Variants in PHF21B observed in about 807,000 individuals in gnomAD.
PHF21B encodes the protein PHD finger protein 4.
A neutral mutation model predicts 62.2 loss-of-function variants in PHF21B; 22 were observed. The ratio of observed to expected loss-of-function variants is 0.35; its 90% CI spans 0.25 to 0.51. PHF21B has a LOEUF of 0.51. Among genes scored for constraint, PHF21B ranks in the 20% least tolerant of loss-of-function variants. The pLI is 0.97. For missense variants in PHF21B, 701 were observed against 707.9 expected (o/e 0.99, Z 0.11); for synonymous variants, 341 against 314.7 (o/e 1.08, Z -0.88).
intron 2 of PHF21B, among the ~76,000 whole-genome samples, chr22:44,964,808 C>G (rs370232282): frequency 1.3e-5 from 2 of 152,204 alleles, no homozygotes; most frequent in African/African-American, 2.4e-5. Flanking sequence ...CCTGACCTCC[C>G]GGAGACTCAC....
intron 5 of PHF21B, among the ~76,000 whole-genome samples, chr22:44,912,303 T>C (rs935704131): frequency 1.3e-5 from 2 of 152,242 alleles, no homozygotes; most frequent in African/African-American, 2.4e-5. Flanking sequence ...GAAGGCATGA[T>C]TGGTTTTGAA....
chr22:44,916,818 C>A (rs1463100345), intron 3 of PHF21B, among the ~76,000 whole-genome samples, 188 bp from the exon 4 acceptor site: 1 of 152,250 alleles, frequency 6.6e-6, no homozygotes, highest in Non-Finnish European at 1.5e-5. Context: ...TGGGCTTGCA[C>A]CGACTGGCCA....
intron 2 of PHF21B, among the ~76,000 whole-genome samples, chr22:45,004,371 A>C (rs2073275292): frequency 6.6e-6 from 1 of 151,632 alleles, no homozygotes; most frequent in South Asian, 2.1e-4. Flanking sequence ...AGGAAACTCC[A>C]GCTGTGTGTG....
chr22:44,991,486 G>A (rs2147505572), intron 2 of PHF21B, among the ~76,000 whole-genome samples: 1 of 152,264 alleles, frequency 6.6e-6, no homozygotes, highest in Middle Eastern at 3.4e-3. Flanking sequence ...CCCCAGGGAA[G>A]GAGGCAGAGG....
intron 2 of PHF21B, among the ~76,000 whole-genome samples, chr22:44,973,097 C>T (rs2072670329): frequency 1.3e-5 from 2 of 152,200 alleles, no homozygotes. Context: ...ACTCCCCACC[C>T]CCAGTCATCA....
chr22:44,929,910 G>A (rs866730513), intron 2 of PHF21B, among the ~76,000 whole-genome samples: 1 of 152,168 alleles, frequency 6.6e-6, no homozygotes, highest in Non-Finnish European at 1.5e-5. Context: ...GTGAGGCAGC[G>A]AGCCCAGGCC....
intron 2 of PHF21B, among the ~76,000 whole-genome samples, chr22:44,928,362 TTCTGCC>T (rs2071673987): frequency 6.6e-6 from 1 of 152,180 alleles, no homozygotes; most frequent in African/African-American, 2.4e-5. Context: ...TGTGGGTCTC[TTCTGCC>T]TCTTTCCATT....
intron 5 of PHF21B, among the ~76,000 whole-genome samples, chr22:44,908,918 C>T (rs147815904): frequency 0.021 from 3,240 of 152,306 alleles, 130 homozygotes; most frequent in African/African-American, 0.074. Flanking sequence ...CTGCCTCAGC[C>T]TCCCAAGTAG....
chr22:44,931,688 G>A (rs1450136011), intron 2 of PHF21B, among the ~76,000 whole-genome samples: 2 of 152,112 alleles, frequency 1.3e-5, no homozygotes, highest in African/African-American at 4.8e-5. Context: ...GTGACCACAG[G>A]TGCATGTGTA....
intron 10 of PHF21B, among the ~76,000 whole-genome samples, chr22:44,886,763 C>T (rs1423066236): frequency 2.0e-5 from 3 of 152,110 alleles, no homozygotes; most frequent in Non-Finnish European, 4.4e-5. Context: ...GGGAACAGCC[C>T]GACAGCAGCC....
intron 10 of PHF21B, among the ~76,000 whole-genome samples, chr22:44,886,169 G>A (rs752386171): frequency 6.6e-6 from 1 of 152,090 alleles, no homozygotes; most frequent in East Asian, 1.9e-4. Flanking sequence ...CCAGGGCCCT[G>A]AACAGGCAGC....
chr22:44,937,199 G>A (rs1725127837), intron 2 of PHF21B, among the ~76,000 whole-genome samples: 1 of 152,152 alleles, frequency 6.6e-6, no homozygotes, highest in Non-Finnish European at 1.5e-5. Flanking sequence ...GTGGAAGGAT[G>A]AGAAAACTTT....
intron 2 of PHF21B, among the ~76,000 whole-genome samples, chr22:44,935,147 G>C (rs968510731): frequency 6.6e-6 from 1 of 152,172 alleles, no homozygotes; most frequent in Non-Finnish European, 1.5e-5. Flanking sequence ...CCTCTGACCT[G>C]CGTCTAACTG....
chr22:44,900,244 C>T lies in PHF21B; in HGVS notation c.832-4161G>A, dbSNP rs141664105. Reference sequence around the variant, plus strand: ...TGCTGGTACCAAAGTTTCCCCATGTCTCTTGGTTGCTTGGGTTTGGGTCTC... The same window carrying T: ...TGCTGGTACCAAAGTTTCCCCATGTTTCTTGGTTGCTTGGGTTTGGGTCTC... On this transcript the variant is annotated intron_variant, in intron 5 of 12. Transcript: ENST00000313237. 2.6e-3 allele frequency among the ~76,000 whole-genome samples: 401 copies of T among 152,298 alleles called. 2 individuals are homozygous for T. Among genetic ancestry groups the T allele is most frequent in the African/African-American group, 9.3e-3 (387 of 41,560 alleles).
At chr22:44,898,075 C>T (rs946982109) in intron 5 of PHF21B, among the ~76,000 whole-genome samples, 1 of 152,174 alleles carries the variant, frequency 6.6e-6, no homozygotes, top group Non-Finnish European at 1.5e-5. Flanking sequence ...TCTGGAAGCA[C>T]TGGGATACAG....
intron 2 of PHF21B, among the ~76,000 whole-genome samples, chr22:44,924,752 C>T (rs2071599282): frequency 6.6e-6 from 1 of 152,210 alleles, no homozygotes; most frequent in African/African-American, 2.4e-5. Flanking sequence ...TTTGTTATGG[C>T]AGCCTGGGCA....
chr22:44,931,643 G>A (rs5845682), intron 2 of PHF21B, among the ~76,000 whole-genome samples: 1 of 52,702 alleles, frequency 1.9e-5, no homozygotes, highest in Non-Finnish European at 5.4e-5. Context: ...GTGATCTTGG[G>A]GGGGGGGTGT....
intron 2 of PHF21B, among the ~76,000 whole-genome samples, chr22:44,949,543 T>C (rs553114401): frequency 3.9e-5 from 6 of 152,306 alleles, no homozygotes; most frequent in Non-Finnish European, 7.3e-5. Context: ...ATTGAGTTTG[T>C]TGAGCAGGTT....
At chr22:44,884,074 CCATTAT>C (rs1298422149) in intron 12 of PHF21B, among the ~76,000 whole-genome samples, 8 of 148,714 alleles carry the variant, frequency 5.4e-5, no homozygotes, top group Non-Finnish European at 9.0e-5. Context: ...ACCATGATCA[CCATTAT>C]CACCACCGCC....
Sources: allele counts gnomAD v4.1 joint callset (sites outside exome capture counted in the v4.1 genomes callset), GRCh38; gene constraint gnomAD v4.1.1; transcripts MANE v1.5; gene names NCBI Gene and HGNC (gene_info 2026-07-23, HGNC 2026-07-21).